Variants in MNAT1 observed in about 807,000 individuals in gnomAD.
The protein encoded by MNAT1 is MNAT1 component of CDK activating kinase, also known as CDK-activating kinase assembly factor MAT1.
In MNAT1, 43 loss-of-function variants were observed where a neutral mutation model predicts 42.0. That is an observed-to-expected ratio of 1.02 (90% CI 0.80 to 1.32). MNAT1 has a LOEUF of 1.32. Among genes scored for constraint, MNAT1 ranks in the 40% most tolerant of loss-of-function variants. The probability of loss-of-function intolerance (pLI) is 0.00; values close to 1 mark genes in which losing one functional copy is unlikely to be tolerated. For missense variants in MNAT1, 306 were observed against 350.4 expected, an observed-to-expected ratio of 0.87 and a Z score of 1.01; for synonymous variants, 118 against 120.0, an observed-to-expected ratio of 0.98 and a Z score of 0.11.
At chr14:60,746,792 C>A (rs1473146805) in intron 1 of MNAT1, among the ~76,000 whole-genome samples, 2 of 147,774 alleles carry the variant, frequency 1.4e-5, no homozygotes, top group Non-Finnish European at 3.0e-5. Flanking sequence ...ACTTATAGTT[C>A]TTTAAAACTA....
intron 5 of MNAT1, among the ~76,000 whole-genome samples, chr14:60,816,514 T>C (rs2032720653): frequency 1.3e-5 from 2 of 152,094 alleles, no homozygotes; most frequent in South Asian, 4.1e-4. Flanking sequence ...TAAAATAATC[T>C]TTTAAAAATG....
chr14:60,955,325 G>T (rs1431527591), intron 7 of MNAT1, among the ~76,000 whole-genome samples: 1 of 152,000 alleles, frequency 6.6e-6, no homozygotes, highest in African/African-American at 2.4e-5. Context: ...CAGCAATGAA[G>T]CCATCAGGTT....
intron 6 of MNAT1, among the ~76,000 whole-genome samples, chr14:60,859,755 A>G (rs2034051116): frequency 6.6e-6 from 1 of 152,162 alleles, no homozygotes; most frequent in Non-Finnish European, 1.5e-5. Flanking sequence ...TACTGATACC[A>G]GGAAGTTTTG....
chr14:60,897,918 G>T (rs1324066621), intron 7 of MNAT1, among the ~76,000 whole-genome samples: 1 of 151,832 alleles, frequency 6.6e-6, no homozygotes, highest in African/African-American at 2.4e-5. Flanking sequence ...ACCCTTCCCA[G>T]CCTCTGCTAT....
At chr14:60,937,662 A>G (rs1002963567) in intron 7 of MNAT1, among the ~76,000 whole-genome samples, 53 of 152,280 alleles carry the variant, frequency 3.5e-4, no homozygotes, top group African/African-American at 1.1e-3. Context: ...GTCAGGCAGC[A>G]TGATGCCTCC....
chr14:60,734,976 C>A lies in MNAT1; in HGVS notation c.89+25C>A. On this transcript the variant is annotated intron_variant, in intron 1 of 7. Transcript: ENST00000261245. This position sits in a 1 kb window ranked among gnomAD's most constrained non-coding sequence, Gnocchi z 4.3. ...TGTGAGTTGGGCGGCAGTGGATTCC[C>A]TGGGGGAGAGACGCGCTGGGTGGGA... 6.2e-7 allele frequency: 1 copy of A among 1,610,634 alleles called. No homozygotes were observed. Among genetic ancestry groups the A allele is most frequent in the East Asian group, 2.2e-5 (1 of 44,856 alleles).
rs1296927208 is a variant in MNAT1, at chr14:60,751,728, T to TGTTAG, written c.89+16781_89+16785dup. On this transcript the variant is annotated intron_variant, in intron 1 of 7. Transcript: ENST00000261245. ...CAGACTTTATCAGAAATGTTTGGAG[T>TGTTAG]GTTAGGTTTTCTTTTCATTTACTAA... Among the ~76,000 whole-genome samples the TGTTAG allele has an allele frequency of 2.0e-5, 3 of 151,666 alleles. No individual in the cohort carries two copies. In the East Asian group the frequency reaches 5.8e-4, roughly 29 times the overall value.
At chr14:60,934,994 C>T (rs1367105953) in intron 7 of MNAT1, among the ~76,000 whole-genome samples, 1 of 152,020 alleles carries the variant, frequency 6.6e-6, no homozygotes, top group Admixed American at 6.6e-5. Flanking sequence ...ACCTTAGTAC[C>T]TTTGTATTTG....
At chr14:60,951,636 G>T (rs1187799643) in intron 7 of MNAT1, among the ~76,000 whole-genome samples, 1 of 151,648 alleles carries the variant, frequency 6.6e-6, no homozygotes, top group Non-Finnish European at 1.5e-5. Context: ...TATTCCTTTC[G>T]TGGTTTCTTT....
chr14:60,867,520 T>A (rs1222148673), intron 6 of MNAT1, among the ~76,000 whole-genome samples: 1 of 152,148 alleles, frequency 6.6e-6, no homozygotes, highest in African/African-American at 2.4e-5. Context: ...ATGATTCTAA[T>A]AGAGTTGGGA....
intron 7 of MNAT1, among the ~76,000 whole-genome samples, chr14:60,916,877 T>C (rs561571685): frequency 5.9e-5 from 9 of 152,206 alleles, no homozygotes; most frequent in Admixed American, 2.6e-4. Flanking sequence ...TGCTTGGACC[T>C]GGGAGGCGGG....
intron 1 of MNAT1, among the ~76,000 whole-genome samples, chr14:60,779,716 G>A (rs2031383618): frequency 6.6e-6 from 1 of 151,888 alleles, no homozygotes; most frequent in Admixed American, 6.6e-5. Context: ...AACCCGGGAG[G>A]TGGAGATTGC....
At chr14:60,819,317 A>G (rs1046818897) in intron 6 of MNAT1, among the ~76,000 whole-genome samples, 2 of 151,344 alleles carry the variant, frequency 1.3e-5, no homozygotes, top group Non-Finnish European at 2.9e-5. Flanking sequence ...GTATTGTTAT[A>G]TTTTATTGTT....
chr14:60,861,750 G>C (rs1300241551), intron 6 of MNAT1, among the ~76,000 whole-genome samples: 2 of 152,128 alleles, frequency 1.3e-5, no homozygotes, highest in Non-Finnish European at 2.9e-5. Context: ...ATACTTTTGA[G>C]GTTGTATTTG....
At chr14:60,963,994 T>C (rs943098869) in intron 7 of MNAT1, among the ~76,000 whole-genome samples, 3 of 152,154 alleles carry the variant, frequency 2.0e-5, no homozygotes, top group African/African-American at 4.8e-5. Flanking sequence ...CATTGTTAAG[T>C]AGCACTAAAA....
intron 1 of MNAT1, among the ~76,000 whole-genome samples, chr14:60,787,563 G>A (rs2031690252): frequency 6.6e-6 from 1 of 152,120 alleles, no homozygotes; most frequent in Non-Finnish European, 1.5e-5. Flanking sequence ...TTTCATGAAA[G>A]ATTTCCCTGG....
At chr14:60,758,166 TC>T (rs755268205) in intron 1 of MNAT1, among the ~76,000 whole-genome samples, 6 of 152,028 alleles carry the variant, frequency 3.9e-5, no homozygotes, top group Non-Finnish European at 5.9e-5. Context: ...TTTATCCTAT[TC>T]CCCTTGTAGT....
At chr14:60,738,415 C>T (rs1896370556) in intron 1 of MNAT1, among the ~76,000 whole-genome samples, 1 of 151,514 alleles carries the variant, frequency 6.6e-6, no homozygotes, top group South Asian at 2.1e-4. Context: ...GCCACCATGC[C>T]CGGCTAATTT....
chr14:60,920,349 C>T (rs2035630252), intron 7 of MNAT1, among the ~76,000 whole-genome samples: 2 of 152,156 alleles, frequency 1.3e-5, no homozygotes, highest in Admixed American at 6.5e-5. Context: ...TCTTATGATC[C>T]ACCTTATATT....
Sources: gnomAD v4.1 joint callset for allele counts (sites outside exome capture counted in the v4.1 genomes callset) on GRCh38, gnomAD v4.1.1 for gene constraint, Gnocchi (gnomAD v3.1) non-coding constraint, MANE v1.5 for transcripts, NCBI Gene and HGNC (gene_info 2026-07-23, HGNC 2026-07-21) for gene names.